RGS6: variants seen among roughly 807,000 people sequenced by gnomAD.
The protein encoded by RGS6 is regulator of G-protein signaling 6.
RGS6 carries 30 observed loss-of-function variants against 78.5 expected under a neutral mutation model. The ratio of observed to expected loss-of-function variants is 0.38; its 90% CI spans 0.29 to 0.52. The LOEUF (loss-of-function observed/expected upper bound fraction) is 0.52, where lower values mean the gene tolerates loss of function less well. RGS6 is among the 20% of genes least tolerant of loss of function. The pLI is 0.85. For synonymous variants in RGS6, 206 were observed against 206.0 expected (o/e 1.00, Z 0.00); for missense variants, 495 against 609.7 (o/e 0.81, Z 1.98).
intron 2 of RGS6, among the ~76,000 whole-genome samples, chr14:72,072,363 C>T (rs1597105304): frequency 6.7e-6 from 1 of 150,276 alleles, no homozygotes; most frequent in Admixed American, 6.6e-5. Flanking sequence ...GGCTGGAGTG[C>T]GGTGGCGCAA....
downstream of RGS6, among the ~76,000 whole-genome samples, chr14:72,570,803 AT>A (rs766094127): frequency 6.6e-6 from 1 of 152,226 alleles, no homozygotes; most frequent in African/African-American, 2.4e-5. Flanking sequence ...GTTCCAAATA[AT>A]TGGAGTTTTG....
the RGS6 span, among the ~76,000 whole-genome samples, chr14:71,920,398 A>T: frequency 6.6e-6 from 1 of 152,210 alleles, no homozygotes; most frequent in Non-Finnish European, 1.5e-5. Context: ...GAGGGGAGTC[A>T]AGATGGAAGG....
chr14:72,093,739 A>G (rs999391914), intron 2 of RGS6, among the ~76,000 whole-genome samples: 2 of 152,168 alleles, frequency 1.3e-5, no homozygotes, highest in Admixed American at 6.5e-5. Context: ...TGGTCATTGC[A>G]AACAGTGCTG....
chr14:72,447,757 C>T (rs1296531164), intron 3 of RGS6, among the ~76,000 whole-genome samples: 1 of 152,164 alleles, frequency 6.6e-6, no homozygotes, highest in South Asian at 2.1e-4. Flanking sequence ...GGCTGCAGTG[C>T]AGTGGCACGA....
At chr14:72,001,740 A>G (rs2083476533) in intron 2 of RGS6, among the ~76,000 whole-genome samples, 2 of 152,068 alleles carry the variant, frequency 1.3e-5, no homozygotes, top group African/African-American at 4.8e-5. Context: ...CCCCTGGTGG[A>G]ATTCTCTTCC....
the RGS6 span, chr14:72,629,700 G>T: frequency 6.5e-7 from 1 of 1,536,108 alleles, no homozygotes; most frequent in Non-Finnish European, 8.7e-7. Flanking sequence ...GACAGCCTCG[G>T]TCATGTTCAG....
chr14:72,347,789 C>A (rs2078338124), intron 2 of RGS6, among the ~76,000 whole-genome samples: 1 of 152,130 alleles, frequency 6.6e-6, no homozygotes. Context: ...TTTTAATCAA[C>A]TACTAAGGCC....
At chr14:72,460,603 A>G (rs2095753513) in intron 6 of RGS6, among the ~76,000 whole-genome samples, 1 of 152,188 alleles carries the variant, frequency 6.6e-6, no homozygotes, top group African/African-American at 2.4e-5. Context: ...TCACGGTCCC[A>G]TGTGTGACAT....
At chr14:72,225,377 C>T (rs2047881884) in intron 2 of RGS6, among the ~76,000 whole-genome samples, 1 of 152,290 alleles carries the variant, frequency 6.6e-6, no homozygotes, top group Admixed American at 6.5e-5. Flanking sequence ...GGCAAGAGTG[C>T]AGTGATGCAA....
At chr14:71,955,630 G>A (rs540961813) in intron 1 of RGS6, among the ~76,000 whole-genome samples, 5 of 152,190 alleles carry the variant, frequency 3.3e-5, no homozygotes, top group East Asian at 1.9e-4. Flanking sequence ...CTGTCATGGC[G>A]CTGGTGGGAG....
At chr14:72,039,813 A>ATTTTTTTTTTTTT (rs3053082) in intron 2 of RGS6, among the ~76,000 whole-genome samples, 6 of 68,874 alleles carry the variant, frequency 8.7e-5, no homozygotes, top group South Asian at 1.1e-3. Context: ...TGTTTCATTG[A>ATTTTTTTTTTTTT]TTTTTTTTTT....
At chr14:72,323,709 G>A (rs2072788149) in intron 2 of RGS6, among the ~76,000 whole-genome samples, 1 of 146,944 alleles carries the variant, frequency 6.8e-6, no homozygotes, top group Non-Finnish European at 1.5e-5. Context: ...GGCTTAGGCA[G>A]GAGAATTGCT....
chr14:72,356,193 G>T (rs2080234732), intron 3 of RGS6, among the ~76,000 whole-genome samples: 1 of 152,122 alleles, frequency 6.6e-6, no homozygotes, highest in Non-Finnish European at 1.5e-5. Context: ...ATCCCCACAT[G>T]GCAAGGGAGG....
chr14:72,116,491 A>T (rs1443873382), intron 2 of RGS6, among the ~76,000 whole-genome samples: 1 of 151,446 alleles, frequency 6.6e-6, no homozygotes, highest in Non-Finnish European at 1.5e-5. Context: ...TGCCTACTAG[A>T]TGCTGGTATT....
At chr14:72,535,103 G>A (rs1889039958) in intron 15 of RGS6, among the ~76,000 whole-genome samples, 1 of 152,218 alleles carries the variant, frequency 6.6e-6, no homozygotes, top group South Asian at 2.1e-4. Flanking sequence ...TCTTTTCTAA[G>A]GGACCAGGAT....
intron 1 of RGS6, among the ~76,000 whole-genome samples, chr14:71,953,969 G>GTTTTT (rs3053026): frequency 0.46 from 34,599 of 75,706 alleles, 8,433 homozygotes; most frequent in South Asian, 0.5. Context: ...CTAAGTGGGC[G>GTTTTT]TTTTTTTTTT....
intron 2 of RGS6, among the ~76,000 whole-genome samples, chr14:72,103,107 A>G (rs1229841764): frequency 6.6e-6 from 1 of 152,190 alleles, no homozygotes; most frequent in Non-Finnish European, 1.5e-5. Context: ...TATCTCTCAT[A>G]TAATGGTACC....
rs117587294 is a variant in RGS6, at chr14:72,294,954, T to A, written c.85-57141T>A. Among the ~76,000 whole-genome samples the A allele has an allele frequency of 8.9e-3, 1,353 of 152,032 alleles. 67 individuals carry two copies. Among genetic ancestry groups the A allele is most frequent in the Admixed American group, 0.056 (856 of 15,280 alleles). On this transcript the variant is annotated intron_variant, in intron 2 of 17. Transcript: ENST00000553525. ...TCTTAGAATGGTAGAATAATAAAAT[T>A]AGGAGGAAACTTGGTATGCTTTTGC...
At chr14:72,218,050 T>G (rs1411924329) in intron 2 of RGS6, among the ~76,000 whole-genome samples, 1 of 152,292 alleles carries the variant, frequency 6.6e-6, no homozygotes, top group Non-Finnish European at 1.5e-5. Flanking sequence ...TGACATTCTT[T>G]TAAATTCTAT....
Sources: allele counts gnomAD v4.1 joint callset (sites outside exome capture counted in the v4.1 genomes callset), GRCh38; gene constraint gnomAD v4.1.1; transcripts MANE v1.5; gene names NCBI Gene and HGNC (gene_info 2026-07-23, HGNC 2026-07-21).